Variants in ASH1L observed in about 807,000 individuals in gnomAD.
ASH1L encodes the protein ASH1 like histone lysine methyltransferase, also known as histone-lysine N-methyltransferase ASH1L.
Under a neutral mutation model 269.0 loss-of-function variants are expected in ASH1L, and 23 were observed. The ratio of observed to expected loss-of-function variants is 0.09; its 90% CI spans 0.06 to 0.12. The LOEUF (loss-of-function observed/expected upper bound fraction) is 0.12, where lower values mean the gene tolerates loss of function less well. Ranked by LOEUF, ASH1L falls within the 10% of genes least tolerant of loss-of-function variation. The probability of loss-of-function intolerance (pLI) is 1.00; values close to 1 mark genes in which losing one functional copy is unlikely to be tolerated. For missense variants in ASH1L, 2,912 were observed against 3,567.8 expected, an observed-to-expected ratio of 0.82 and a Z score of 4.68; for synonymous variants, 1,187 against 1,253.5, an observed-to-expected ratio of 0.95 and a Z score of 1.12.
At chr1:155,549,307 C>A (rs1427029807) in intron 1 of ASH1L, among the ~76,000 whole-genome samples, 1 of 152,100 alleles carries the variant, frequency 6.6e-6, no homozygotes, top group Non-Finnish European at 1.5e-5. Context: ...CATGCCACTG[C>A]ACTCTAGCCT....
In ASH1L at chr1:155,349,411, G is replaced by A. The variant is rs1206733243; in HGVS notation, c.7470C>T (p.Thr2490=). The A allele has an allele frequency of 1.2e-6, 2 of 1,614,058 alleles. No homozygotes were observed. The highest frequency in any genetic ancestry group is 1.7e-5 in the Admixed American group (1 of 59,998). ...AACCAGTGAGGATCTGCTTCTCTAT[G>A]GTGATAAGATCTAGGGGATCAGAGA... The part of the protein sequence containing the change: ...EKISDPLDLI[T]IEKQILTGYY... Residue 2490 remains threonine, a synonymous_variant, in exon 19 of 28, where the codon ACC becomes ACT. Coordinates refer to ENST00000392403, the MANE Select transcript of ASH1L (RefSeq NM_018489.3).
chr1:155,415,646 A>T, intron 6 of ASH1L, 98 bp downstream of exon 6: 1 of 1,390,698 alleles, frequency 7.2e-7, no homozygotes, highest in South Asian at 1.3e-5. Flanking sequence ...CATCACGCTT[A>T]TGAAACACAA....
chr1:155,562,766 C>A lies in ASH1L; in HGVS notation c.-713G>T, dbSNP rs1314372977. 7 of 947,766 alleles carry A rather than the reference C, an allele frequency of 7.4e-6. No individual in the cohort carries two copies. The highest frequency in any genetic ancestry group is 1.1e-5 in the Non-Finnish European group (7 of 621,834). 58.7% of individuals were successfully genotyped at this position (947,766 alleles called of 1,614,324 possible). On this transcript the variant is annotated 5_prime_UTR_variant, in exon 1 of 28. Coordinates refer to ENST00000392403, the MANE Select transcript of ASH1L (RefSeq NM_018489.3). ...CCTGTCAAGCCGGCGCCGGCGCAGG[C>A]CCTCACGCGTACCTTCAACGGCGCA...
chr1:155,525,663 T>C (rs879306424), intron 1 of ASH1L, among the ~76,000 whole-genome samples: 2 of 152,174 alleles, frequency 1.3e-5, no homozygotes, highest in African/African-American at 4.8e-5. Flanking sequence ...TCTAGACCTA[T>C]GTTCTCAGAC....
chr1:155,344,108 G>T, intron 22 of ASH1L, 75 bp downstream of exon 22: 1 of 1,301,360 alleles, frequency 7.7e-7, no homozygotes, highest in Non-Finnish European at 1.1e-6. Context: ...CAATGACTAT[G>T]ATGGAGACAG....
chr1:155,416,002 AAC>A, intron 5 of ASH1L, 79 bp from the exon 6 acceptor site: 1 of 1,231,542 alleles, frequency 8.1e-7, no homozygotes, highest in African/African-American at 1.5e-5. Flanking sequence ...AAAAAAAAAA[AAC>A]CATAGCAATT....
chr1:155,354,399 T>C (rs1654188137), intron 16 of ASH1L, 74 bp downstream of exon 16: 20 of 1,397,400 alleles, frequency 1.4e-5, no homozygotes, highest in Non-Finnish European at 1.8e-5. Context: ...GCCTAGATCA[T>C]GCCATTGCAC....
At chr1:155,555,580 C>A (rs902314686) in intron 1 of ASH1L, among the ~76,000 whole-genome samples, 4 of 151,512 alleles carry the variant, frequency 2.6e-5, no homozygotes, top group African/African-American at 9.7e-5. Context: ...CATCTTGTCG[C>A]TATGACTAAA....
At chr1:155,352,985 G>C (rs1654064184) in intron 16 of ASH1L, 127 bp from the exon 17 acceptor site, 2 of 796,926 alleles carry the variant, frequency 2.5e-6, no homozygotes, top group African/African-American at 3.6e-5. Context: ...AGTGGGCACA[G>C]AGTTCTTTCT....
intron 5 of ASH1L, among the ~76,000 whole-genome samples, chr1:155,429,143 T>TTACA (rs1432803766): frequency 6.6e-6 from 1 of 152,156 alleles, no homozygotes; most frequent in East Asian, 1.9e-4. Context: ...AAGAACTGTA[T>TTACA]TACACACAAA....
chr1:155,431,436 C>T (rs373509556), intron 5 of ASH1L, among the ~76,000 whole-genome samples: 4 of 151,782 alleles, frequency 2.6e-5, no homozygotes, highest in Non-Finnish European at 5.9e-5. Flanking sequence ...ACCACAGACA[C>T]GAGCCACCAC....
intron 5 of ASH1L, among the ~76,000 whole-genome samples, chr1:155,427,479 T>G (rs1448974529): frequency 6.6e-6 from 1 of 151,986 alleles, no homozygotes; most frequent in Non-Finnish European, 1.5e-5. Context: ...ATTTTTGTAC[T>G]TTTTAGTAGA....
intron 6 of ASH1L, among the ~76,000 whole-genome samples, chr1:155,401,288 C>A (rs1658826037): frequency 6.6e-6 from 1 of 151,800 alleles, no homozygotes; most frequent in African/African-American, 2.4e-5. Context: ...ACCAGCCTGG[C>A]CAACATGGTG....
chr1:155,354,125 TA>T (rs1182946157), intron 16 of ASH1L, among the ~76,000 whole-genome samples: 3 of 152,220 alleles, frequency 2.0e-5, no homozygotes, highest in South Asian at 4.1e-4. Flanking sequence ...GGAAAGCAAC[TA>T]AAATAAATTA....
intron 16 of ASH1L, 59 bp from the exon 17 acceptor site, chr1:155,352,917 C>G: frequency 1.3e-6 from 2 of 1,483,198 alleles, no homozygotes; most frequent in South Asian, 1.3e-5. Context: ...ATGTCTTTCT[C>G]TTTCCCAATG....
At chr1:155,422,232 G>A (rs985055028) in intron 5 of ASH1L, among the ~76,000 whole-genome samples, 10 of 151,088 alleles carry the variant, frequency 6.6e-5, no homozygotes, top group African/African-American at 2.4e-4. Context: ...TACCTCCTGG[G>A]TTCAAGCGAT....
chr1:155,338,063 C>G (rs1278111609), intron 27 of ASH1L, 26 bp downstream of exon 27: 1 of 1,604,312 alleles, frequency 6.2e-7, no homozygotes, highest in Non-Finnish European at 8.5e-7. Flanking sequence ...ATCTTAAACC[C>G]TAGATATGAA....
chr1:155,528,011 T>C, intron 1 of ASH1L, among the ~76,000 whole-genome samples: 1 of 152,346 alleles, frequency 6.6e-6, no homozygotes, highest in East Asian at 1.9e-4. Context: ...GATCCAGTCT[T>C]ACGGCTTTAA....
intron 17 of ASH1L, 96 bp downstream of exon 17, chr1:155,352,610 G>T: frequency 7.8e-7 from 1 of 1,282,242 alleles, no homozygotes; most frequent in Non-Finnish European, 1.0e-6. Context: ...TCTGAGACTA[G>T]CCTGGGCAAT....
Sources: gnomAD v4.1 joint callset for allele counts (sites outside exome capture counted in the v4.1 genomes callset) on GRCh38, gnomAD v4.1.1 for gene constraint, MANE v1.5 for transcripts, NCBI Gene and HGNC (gene_info 2026-07-23, HGNC 2026-07-21) for gene names.